The following TES variants were observed in gnomAD, a reference collection of about 807,000 sequenced individuals.
TES encodes testin.
In TES, 41 loss-of-function variants were observed where a neutral mutation model predicts 48.2. The ratio of observed to expected loss-of-function variants is 0.85; its 90% confidence interval spans 0.66 to 1.10. The LOEUF (loss-of-function observed/expected upper bound fraction) is 1.10, where lower values mean the gene tolerates loss of function less well. Among genes scored for constraint, TES ranks in the 50% least tolerant of loss-of-function variants. The pLI is 0.00. For missense variants in TES, 463 were observed against 515.1 expected, an observed-to-expected ratio of 0.90 and a Z score of 0.98; for synonymous variants, 162 against 174.9, an observed-to-expected ratio of 0.93 and a Z score of 0.58.
At position 116,251,991 on chromosome 7, in the gene TES, C is replaced by A. The variant is rs1294277583; in HGVS notation, c.918+16C>A. 2 of 1,612,558 alleles carry A rather than the reference C, an allele frequency of 1.2e-6. No homozygotes were observed. The highest frequency in any genetic ancestry group is 3.3e-5 in the Admixed American group (2 of 60,018). On this transcript the variant is annotated intron_variant, in intron 5 of 6. Coordinates refer to ENST00000358204, the MANE Select transcript of TES (RefSeq NM_015641.4). ...CTGTGACGAGGTATGTTCTATGGGA[C>A]CACCGGCATGCTGGTGCCCTCTTAG...
intron 1 of TES, among the ~76,000 whole-genome samples, chr7:116,233,584 A>G (rs1044906728): frequency 1.3e-5 from 2 of 152,186 alleles, no homozygotes; most frequent in Non-Finnish European, 2.9e-5. Context: ...AAAATGGCAA[A>G]TCATATTGCC....
chr7:116,252,469 A>G lies in TES; in HGVS notation c.1070A>G (p.His357Arg), dbSNP rs758028990. The G allele has an allele frequency of 1.2e-5, 19 of 1,614,052 alleles. No homozygotes were observed. The highest frequency in any genetic ancestry group is 1.5e-5 in the Non-Finnish European group (18 of 1,180,026). The change falls in exon 6 of 7, where the codon CAC becomes CGC. Residue 357 changes from histidine (H) to arginine (R), a missense_variant. Transcript: ENST00000358204. ...PVCKPCYVKN[H>R]AVVCQGCHNA... Reference sequence around the variant, plus strand: ...TGCAAGCCCTGCTATGTGAAGAATCACGCTGTGGTGAGAAGTGTTCTAAGG... The same window carrying G: ...TGCAAGCCCTGCTATGTGAAGAATCGCGCTGTGGTGAGAAGTGTTCTAAGG...
chr7:116,238,664 C>A (rs1195932120), intron 2 of TES, among the ~76,000 whole-genome samples: 1 of 151,466 alleles, frequency 6.6e-6, no homozygotes, highest in Non-Finnish European at 1.5e-5. Flanking sequence ...TGCAATGGTG[C>A]GATCTCGGCT....
At chr7:116,252,505 C>G in intron 6 of TES, 29 bp downstream of exon 6, 1 of 1,614,096 alleles carries the variant, frequency 6.2e-7, no homozygotes, top group Non-Finnish European at 8.5e-7. Flanking sequence ...ATATGGTTGC[C>G]TCAGCCTGCT....
intron 1 of TES, among the ~76,000 whole-genome samples, chr7:116,227,970 C>G (rs906637038): frequency 1.3e-5 from 2 of 151,358 alleles, no homozygotes; most frequent in African/African-American, 2.4e-5. Context: ...CAACTCAGAC[C>G]ATGTTTGAAA....
intron 2 of TES, among the ~76,000 whole-genome samples, chr7:116,246,038 T>C (rs1462296038): frequency 6.6e-6 from 1 of 150,690 alleles, no homozygotes; most frequent in African/African-American, 2.4e-5. Context: ...ACATGGGGAT[T>C]ATGGGAACTA....
intron 1 of TES, among the ~76,000 whole-genome samples, chr7:116,225,324 A>G (rs1799609659): frequency 6.6e-6 from 1 of 152,026 alleles, no homozygotes; most frequent in Non-Finnish European, 1.5e-5. Context: ...TTACATCTCA[A>G]ACTCAAGTAG....
chr7:116,246,357 A>G (rs984671813), intron 2 of TES, among the ~76,000 whole-genome samples: 10 of 152,222 alleles, frequency 6.6e-5, no homozygotes, highest in Admixed American at 1.3e-4. Context: ...TTGTCTCCCT[A>G]TTGCCAGTTA....
At chr7:116,230,256 A>G (rs997531900) in intron 1 of TES, among the ~76,000 whole-genome samples, 5 of 152,100 alleles carry the variant, frequency 3.3e-5, no homozygotes, top group African/African-American at 1.2e-4. Flanking sequence ...TCTGTCTGTG[A>G]TGTTTAAAAG....
intron 1 of TES, among the ~76,000 whole-genome samples, chr7:116,230,444 G>A (rs915642667): frequency 2.0e-5 from 3 of 152,200 alleles, no homozygotes; most frequent in Admixed American, 1.3e-4. Context: ...TACTTTCTGG[G>A]TTTTCCAGAG....
intron 1 of TES, among the ~76,000 whole-genome samples, chr7:116,232,386 T>G (rs545468310): frequency 6.6e-6 from 1 of 152,320 alleles, no homozygotes; most frequent in Admixed American, 6.5e-5. Flanking sequence ...AGCCTCTGAT[T>G]TAAGCTAAGC....
chr7:116,228,053 T>C (rs957270953), intron 1 of TES, among the ~76,000 whole-genome samples: 4 of 149,246 alleles, frequency 2.7e-5, no homozygotes, highest in African/African-American at 9.9e-5. Flanking sequence ...ATGCAGTACC[T>C]TTTTCTGGGT....
At chr7:116,237,769 G>A (rs1039294752) in intron 2 of TES, among the ~76,000 whole-genome samples, 2 of 152,164 alleles carry the variant, frequency 1.3e-5, no homozygotes, top group Non-Finnish European at 2.9e-5. Context: ...GAGTTCTGGT[G>A]AGGTCTCTCT....
chr7:116,243,904 C>T (rs1012786686), intron 2 of TES: 1 of 152,178 alleles, frequency 6.6e-6, no homozygotes, highest in Non-Finnish European at 1.5e-5. Flanking sequence ...GAAGCAAACA[C>T]ATCCTTCTTC....
intron 2 of TES, among the ~76,000 whole-genome samples, chr7:116,239,545 T>C (rs963789360): frequency 6.6e-6 from 1 of 152,148 alleles, no homozygotes; most frequent in Non-Finnish European, 1.5e-5. Flanking sequence ...GAACTCAGAG[T>C]TTTCCAAAAC....
rs1799442033 is a variant in TES, at chr7:116,211,782, C to T, written c.27+1048C>T. Among the ~76,000 whole-genome samples the T allele has an allele frequency of 3.4e-5, 5 of 146,882 alleles. No homozygotes were observed. In the South Asian group the frequency reaches 1.1e-3, roughly 32 times the overall value. On this transcript the variant is annotated intron_variant, in intron 1 of 6. Coordinates refer to ENST00000358204, the MANE Select transcript of TES (RefSeq NM_015641.4). Reference sequence around the variant, plus strand: ...AAAGTTTTTGACTTGAGCATTAATTCTATTTTATGCCCAGAACTGGATTTT... The same window carrying T: ...AAAGTTTTTGACTTGAGCATTAATTTTATTTTATGCCCAGAACTGGATTTT...
chr7:116,231,392 C>T (rs1244592947), intron 1 of TES, among the ~76,000 whole-genome samples: 3 of 152,146 alleles, frequency 2.0e-5, no homozygotes, highest in Non-Finnish European at 2.9e-5. Context: ...TATTCTGAGC[C>T]AAATATGAGT....
In TES at chr7:116,240,315, G is replaced by A. The variant is rs115742371; in HGVS notation, c.113+5696G>A. Reference sequence around the variant, plus strand: ...AAAAATAGTAAGTTTTACAAATAGTGATACAAAAAAATTTCTTTTGGGAGA... The same window carrying A: ...AAAAATAGTAAGTTTTACAAATAGTAATACAAAAAAATTTCTTTTGGGAGA... On this transcript the variant is annotated intron_variant, in intron 2 of 6. Transcript: ENST00000358204. Among the ~76,000 whole-genome samples, 939 of 152,084 alleles carry A rather than the reference G, an allele frequency of 6.2e-3. 9 individuals carry two copies. Among genetic ancestry groups the A allele is most frequent in the African/African-American group, 0.021 (881 of 41,472 alleles).
At chr7:116,218,218 T>C (rs1253211111) in intron 1 of TES, among the ~76,000 whole-genome samples, 3 of 152,148 alleles carry the variant, frequency 2.0e-5, no homozygotes, top group African/African-American at 7.2e-5. Context: ...GTGTTTATCA[T>C]TGTGACATTC....
Sources: gnomAD v4.1 joint callset for allele counts (sites outside exome capture counted in the v4.1 genomes callset) on GRCh38, gnomAD v4.1.1 for gene constraint, MANE v1.5 for transcripts, NCBI Gene and HGNC (gene_info 2026-07-23, HGNC 2026-07-21) for gene names.